SLC14A2: variants seen among roughly 807,000 people sequenced by gnomAD.
SLC14A2 encodes the protein solute carrier family 14 member 2, also known as urea transporter 2.
Under a neutral mutation model 104.6 loss-of-function variants are expected in SLC14A2, and 91 were observed. The observed-to-expected ratio is 0.87, with a 90% CI of 0.73 to 1.04. The LOEUF is 1.04. Ranked by LOEUF, SLC14A2 falls within the 50% of genes least tolerant of loss-of-function variation. SLC14A2 has a pLI of 0.00. For synonymous variants in SLC14A2, 476 were observed against 466.4 expected, an observed-to-expected ratio of 1.02 and a Z score of -0.27; for missense variants, 1,189 against 1,156.0, an observed-to-expected ratio of 1.03 and a Z score of -0.41.
chr18:45,539,072 T>A (rs542115514), intron 2 of SLC14A2, among the ~76,000 whole-genome samples: 1 of 151,284 alleles, frequency 6.6e-6, no homozygotes, highest in African/African-American at 2.4e-5. Context: ...AGAGAAGCAG[T>A]CAAGTAAAAA....
At chr18:45,212,814 T>A (rs2083972889), upstream of SLC14A2, among the ~76,000 whole-genome samples, 1 of 152,216 alleles carries the variant, frequency 6.6e-6, no homozygotes, top group Non-Finnish European at 1.5e-5. Context: ...CCGTTGGTAC[T>A]GTATTAGGAC....
intron 1 of SLC14A2, among the ~76,000 whole-genome samples, chr18:45,278,682 T>A (rs1245395705): frequency 6.6e-6 from 1 of 152,182 alleles, no homozygotes; most frequent in African/African-American, 2.4e-5. Context: ...TAGTCAGCCC[T>A]GTGAAACCTG....
At chr18:45,392,883 T>A (rs2085986699) in intron 1 of SLC14A2, among the ~76,000 whole-genome samples, 1 of 152,226 alleles carries the variant, frequency 6.6e-6, no homozygotes, top group African/African-American at 2.4e-5. Flanking sequence ...TCAGCATTCT[T>A]TCTACAAAAA....
intron 2 of SLC14A2, among the ~76,000 whole-genome samples, chr18:45,610,441 G>T (rs2044953703): frequency 6.6e-6 from 1 of 152,186 alleles, no homozygotes; most frequent in African/African-American, 2.4e-5. Context: ...AATCTCTGGG[G>T]AAGGGACCCG....
At chr18:45,402,858 T>A (rs1485705967) in intron 1 of SLC14A2, among the ~76,000 whole-genome samples, 1 of 152,248 alleles carries the variant, frequency 6.6e-6, no homozygotes, top group African/African-American at 2.4e-5. Context: ...ATCACAGGTA[T>A]GAATCATTTC....
At chr18:45,493,996 AAAGAGG>A (rs1008389681) in intron 2 of SLC14A2, among the ~76,000 whole-genome samples, 7 of 152,330 alleles carry the variant, frequency 4.6e-5, no homozygotes, top group African/African-American at 1.4e-4. Context: ...TCATGTCTGC[AAAGAGG>A]AAAGGCAAGC....
At chr18:45,416,445 T>C (rs759018630) in intron 1 of SLC14A2, among the ~76,000 whole-genome samples, 2 of 152,134 alleles carry the variant, frequency 1.3e-5, no homozygotes, top group Non-Finnish European at 2.9e-5. Flanking sequence ...TTTTTCTGAA[T>C]AATAATTGGT....
At chr18:45,274,455 T>C (rs984534613) in intron 1 of SLC14A2, among the ~76,000 whole-genome samples, 18 of 152,198 alleles carry the variant, frequency 1.2e-4, no homozygotes, top group African/African-American at 4.3e-4. Flanking sequence ...TAGATCTTTT[T>C]TTAATCTTTC....
At chr18:45,196,495 G>T in the SLC14A2 span, among the ~76,000 whole-genome samples, 4 of 152,228 alleles carry the variant, frequency 2.6e-5, no homozygotes, top group Non-Finnish European at 4.4e-5. Context: ...AAGGTTTACA[G>T]CTGTTGCTGA....
chr18:45,540,910 A>G (rs960605551), intron 2 of SLC14A2, among the ~76,000 whole-genome samples: 5 of 152,148 alleles, frequency 3.3e-5, no homozygotes, highest in African/African-American at 1.2e-4. Context: ...CTAAGAATCA[A>G]GGATTCCATT....
At chr18:45,675,709 A>ATATATATATATAT (rs57989993) in intron 18 of SLC14A2, among the ~76,000 whole-genome samples, 24 of 78,390 alleles carry the variant, frequency 3.1e-4, no homozygotes, top group East Asian at 2.1e-3. Context: ...ATATATATAT[A>ATATATATATATAT]TTTTTTTTTT....
chr18:45,295,081 G>A (rs2084906188), intron 1 of SLC14A2, among the ~76,000 whole-genome samples: 1 of 152,196 alleles, frequency 6.6e-6, no homozygotes, highest in African/African-American at 2.4e-5. Flanking sequence ...AAGGGCAGCA[G>A]CTAATAAGAA....
intron 2 of SLC14A2, among the ~76,000 whole-genome samples, chr18:45,555,084 A>G (rs1417973493): frequency 1.3e-5 from 2 of 152,230 alleles, no homozygotes; most frequent in African/African-American, 4.8e-5. Flanking sequence ...AACCAAATTG[A>G]ATGAGCTGAA....
the SLC14A2 span, among the ~76,000 whole-genome samples, chr18:45,189,050 T>C: frequency 6.6e-6 from 1 of 152,196 alleles, no homozygotes; most frequent in Non-Finnish European, 1.5e-5. Context: ...AGGTTTGGGT[T>C]TTGTGACTGT....
intron 2 of SLC14A2, among the ~76,000 whole-genome samples, chr18:45,608,851 G>T (rs1430186969): frequency 6.6e-6 from 1 of 152,314 alleles, no homozygotes; most frequent in East Asian, 1.9e-4. Context: ...CGTGAGGGGG[G>T]CATGGAATAA....
chr18:45,437,397 G>A (rs150181110), intron 1 of SLC14A2, among the ~76,000 whole-genome samples: 4 of 152,148 alleles, frequency 2.6e-5, no homozygotes, highest in Non-Finnish European at 5.9e-5. Context: ...AGACAAGGAA[G>A]TTAAGCTGTT....
intron 1 of SLC14A2, among the ~76,000 whole-genome samples, chr18:45,621,531 G>T (rs2045170122): frequency 6.6e-6 from 1 of 152,178 alleles, no homozygotes; most frequent in South Asian, 2.1e-4. Flanking sequence ...GTAAAGTTAT[G>T]CAGAGAAGTG....
At chr18:45,573,593 T>G (rs2044379440) in intron 2 of SLC14A2, among the ~76,000 whole-genome samples, 1 of 152,218 alleles carries the variant, frequency 6.6e-6, no homozygotes, top group Non-Finnish European at 1.5e-5. Flanking sequence ...ACATCCATAA[T>G]ACATTAGAAA....
intron 2 of SLC14A2, among the ~76,000 whole-genome samples, chr18:45,487,721 C>A (rs908193121): frequency 6.6e-6 from 1 of 152,160 alleles, no homozygotes; most frequent in Non-Finnish European, 1.5e-5. Flanking sequence ...GGGCTCATCA[C>A]AAGGTCCAGC....
Sources: allele counts gnomAD v4.1 joint callset (sites outside exome capture counted in the v4.1 genomes callset), GRCh38; gene constraint gnomAD v4.1.1; transcripts MANE v1.5; gene names NCBI Gene and HGNC (gene_info 2026-07-23, HGNC 2026-07-21).